Variants in TCF12 observed in about 807,000 individuals in gnomAD.
TCF12 encodes transcription factor 12.
TCF12 carries 45 observed loss-of-function variants against 86.0 expected under a neutral mutation model. The ratio of observed to expected loss-of-function variants is 0.52; its 90% CI spans 0.41 to 0.67. TCF12 has a LOEUF of 0.67. TCF12 is among the 30% of genes least tolerant of loss of function. The pLI is 0.00. For missense variants in TCF12, 881 were observed against 859.9 expected (o/e 1.02, Z -0.31); for synonymous variants, 330 against 299.6 (o/e 1.10, Z -1.05).
At chr15:57,183,978 T>C (rs2056515537) in intron 6 of TCF12, among the ~76,000 whole-genome samples, 1 of 152,168 alleles carries the variant, frequency 6.6e-6, no homozygotes, top group Admixed American at 6.5e-5. Flanking sequence ...ATTTCTTTCC[T>C]CTCTCAGCCC....
At chr15:57,094,503 C>T (rs975571633) in intron 5 of TCF12, among the ~76,000 whole-genome samples, 2 of 152,160 alleles carry the variant, frequency 1.3e-5, no homozygotes, top group Non-Finnish European at 2.9e-5. Context: ...TGAACTGACA[C>T]CCAAACGTGG....
chr15:57,238,687 A>C (rs575952047), intron 12 of TCF12, among the ~76,000 whole-genome samples: 6 of 152,342 alleles, frequency 3.9e-5, no homozygotes, highest in South Asian at 2.1e-4. Flanking sequence ...ATTGTAGTTT[A>C]ATCACTCAAG....
At chr15:56,959,454 A>G (rs1434368588) in intron 3 of TCF12, among the ~76,000 whole-genome samples, 1 of 152,210 alleles carries the variant, frequency 6.6e-6, no homozygotes, top group Non-Finnish European at 1.5e-5. Context: ...TCCCTTCCCT[A>G]GTAGCTGTCA....
At chr15:57,162,452 G>A (rs1256045601) in intron 5 of TCF12, among the ~76,000 whole-genome samples, 1 of 152,034 alleles carries the variant, frequency 6.6e-6, no homozygotes, top group Non-Finnish European at 1.5e-5. Flanking sequence ...AAACTTATAA[G>A]TCCTTAAGAA....
At chr15:57,218,680 G>C (rs1188007974) in intron 8 of TCF12, among the ~76,000 whole-genome samples, 1 of 152,110 alleles carries the variant, frequency 6.6e-6, no homozygotes, top group Non-Finnish European at 1.5e-5. Flanking sequence ...TCCTATTGCA[G>C]GACATTATAA....
chr15:57,250,940 G>A (rs568870383), intron 13 of TCF12, among the ~76,000 whole-genome samples: 1 of 141,212 alleles, frequency 7.1e-6, no homozygotes, highest in Non-Finnish European at 1.6e-5. Flanking sequence ...AAACAGACTA[G>A]GTGTAGAGAA....
At chr15:57,097,086 T>C (rs1486473598) in intron 5 of TCF12, among the ~76,000 whole-genome samples, 2 of 152,204 alleles carry the variant, frequency 1.3e-5, no homozygotes, top group African/African-American at 4.8e-5. Flanking sequence ...TTCTGTATAT[T>C]TGGTACCTCA....
intron 5 of TCF12, among the ~76,000 whole-genome samples, chr15:57,146,159 G>C (rs990038533): frequency 1.3e-5 from 2 of 151,872 alleles, no homozygotes; most frequent in Non-Finnish European, 2.9e-5. Flanking sequence ...ATACAGTCTT[G>C]TTCTCTGTGT....
intron 13 of TCF12, chr15:57,247,133 TCCTTCACTCCA>T: frequency 5.2e-6 from 3 of 572,102 alleles, no homozygotes; most frequent in South Asian, 4.8e-5. Context: ...CAAAATTTCC[TCCTTCACTCCA>T]CCGTCACTCC....
chr15:56,941,042 T>C (rs1308265833), intron 3 of TCF12, among the ~76,000 whole-genome samples: 1 of 150,864 alleles, frequency 6.6e-6, no homozygotes. Flanking sequence ...ATTACATATG[T>C]GAGCCACCGT....
intron 3 of TCF12, among the ~76,000 whole-genome samples, chr15:56,956,388 TTAA>T (rs2061505910): frequency 6.6e-6 from 1 of 152,048 alleles, no homozygotes; most frequent in Non-Finnish European, 1.5e-5. Context: ...TTTTAGTGGT[TTAA>T]TGATTTGCAG....
At chr15:57,284,260 A>T (rs773410184) in intron 20 of TCF12, among the ~76,000 whole-genome samples, 1 of 152,040 alleles carries the variant, frequency 6.6e-6, no homozygotes, top group Non-Finnish European at 1.5e-5. Context: ...GCTGGAGTGC[A>T]ATGGTGTGAT....
At chr15:56,930,811 A>T (rs1292610178) in intron 3 of TCF12, among the ~76,000 whole-genome samples, 2 of 152,136 alleles carry the variant, frequency 1.3e-5, no homozygotes, top group African/African-American at 4.8e-5. Context: ...AAAAGATCTC[A>T]ACCACAGTTA....
chr15:57,079,637 A>G (rs1840994140), intron 4 of TCF12, among the ~76,000 whole-genome samples: 1 of 152,158 alleles, frequency 6.6e-6, no homozygotes. Flanking sequence ...GATGTTTCTC[A>G]AACTGGTGAA....
intron 16 of TCF12, among the ~76,000 whole-genome samples, chr15:57,256,071 GCC>G (rs2060332807): frequency 6.6e-6 from 1 of 152,184 alleles, no homozygotes; most frequent in African/African-American, 2.4e-5. Context: ...GGCAGGCTTA[GCC>G]TCAAAATATA....
chr15:56,924,906 T>C (rs2059936934), intron 3 of TCF12, among the ~76,000 whole-genome samples: 1 of 152,112 alleles, frequency 6.6e-6, no homozygotes, highest in African/African-American at 2.4e-5. Flanking sequence ...TCCTGAACAA[T>C]TGAAAAACAA....
intron 8 of TCF12, among the ~76,000 whole-genome samples, chr15:57,203,330 A>G (rs2057649835): frequency 6.6e-6 from 1 of 152,136 alleles, no homozygotes; most frequent in Non-Finnish European, 1.5e-5. Flanking sequence ...AGATGCAGAA[A>G]AGTTTCTTTG....
intron 4 of TCF12, among the ~76,000 whole-genome samples, chr15:57,066,640 A>G (rs963184215): frequency 5.9e-5 from 9 of 152,222 alleles, no homozygotes; most frequent in African/African-American, 2.2e-4. Context: ...GAAACTGCAA[A>G]ATGAGTAATT....
chr15:57,092,446 A>G (rs1316382743), intron 5 of TCF12, among the ~76,000 whole-genome samples: 3 of 152,170 alleles, frequency 2.0e-5, no homozygotes, highest in Admixed American at 6.6e-5. Context: ...ATGCACTACC[A>G]TCTAAACTTG....
Sources: gnomAD v4.1 joint callset for allele counts (sites outside exome capture counted in the v4.1 genomes callset) on GRCh38, gnomAD v4.1.1 for gene constraint, MANE v1.5 for transcripts, NCBI Gene and HGNC (gene_info 2026-07-23, HGNC 2026-07-21) for gene names.